TMC1: variants seen among roughly 807,000 people sequenced by gnomAD.
TMC1 encodes the protein transmembrane channel-like protein 1.
TMC1 carries 84 observed loss-of-function variants against 105.8 expected under a neutral mutation model. The observed-to-expected ratio is 0.79, with a 90% confidence interval of 0.67 to 0.95. TMC1 has a LOEUF of 0.95. Among genes scored for constraint, TMC1 ranks in the 40% least tolerant of loss-of-function variants. The probability of loss-of-function intolerance (pLI) is 0.00; values close to 1 mark genes in which losing one functional copy is unlikely to be tolerated. For synonymous variants in TMC1, 315 were observed against 311.5 expected, an observed-to-expected ratio of 1.01 and a Z score of -0.12; for missense variants, 817 against 914.1, an observed-to-expected ratio of 0.89 and a Z score of 1.37.
At chr9:72,658,511 T>A (rs568951898) in intron 5 of TMC1, among the ~76,000 whole-genome samples, 27 of 152,322 alleles carry the variant, frequency 1.8e-4, no homozygotes, top group Middle Eastern at 3.4e-3. Flanking sequence ...TTTTCTTCCT[T>A]CCTTCTTTCT....
chr9:72,741,299 CT>C, intron 9 of TMC1: 1 of 309,926 alleles, frequency 3.2e-6, no homozygotes, highest in East Asian at 8.4e-5. Flanking sequence ...TTTCATCCAC[CT>C]TATAGTATTT....
At chr9:72,755,785 C>A (rs2118071555) in intron 12 of TMC1, among the ~76,000 whole-genome samples, 1 of 152,262 alleles carries the variant, frequency 6.6e-6, no homozygotes, top group Admixed American at 6.5e-5. Flanking sequence ...GAGGGAAAAG[C>A]AGACTGCCTG....
intron 10 of TMC1, among the ~76,000 whole-genome samples, chr9:72,747,773 T>A (rs1827514760): frequency 6.6e-6 from 1 of 152,148 alleles, no homozygotes. Context: ...TTTTTGTATT[T>A]TTAGTAGAGA....
chr9:72,726,180 T>C (rs1827121815), intron 8 of TMC1, among the ~76,000 whole-genome samples: 3 of 152,192 alleles, frequency 2.0e-5, no homozygotes, highest in Non-Finnish European at 2.9e-5. Flanking sequence ...TTTATAGTTA[T>C]AAAAATTAGA....
rs189091969 is a variant in TMC1, at chr9:72,627,408, C to T, written c.-195-513C>T. ...CAGTGAATGGGTTGCTAGGAGGCTG[C>T]GGAAAGAAATTTCTCTAGTTCCATC... On this transcript the variant is annotated intron_variant, in intron 3 of 23. Coordinates refer to ENST00000297784, the MANE Select transcript of TMC1 (RefSeq NM_138691.3). Among the ~76,000 whole-genome samples the T allele has an allele frequency of 1.0e-3, 155 of 152,168 alleles. 1 individual carries two copies. The highest frequency in any genetic ancestry group is 1.7e-3 in the Non-Finnish European group (114 of 68,010).
At chr9:72,671,478 C>T (rs1826126493) in intron 5 of TMC1, among the ~76,000 whole-genome samples, 1 of 152,134 alleles carries the variant, frequency 6.6e-6, no homozygotes, top group Non-Finnish European at 1.5e-5. Context: ...TGAAACCAAC[C>T]ACTTTATAAT....
At chr9:72,755,732 C>G (rs563094754) in intron 12 of TMC1, among the ~76,000 whole-genome samples, 1 of 151,966 alleles carries the variant, frequency 6.6e-6, no homozygotes, top group Non-Finnish European at 1.5e-5. Context: ...TTTTTGGAGG[C>G]TAGACAATGA....
intron 8 of TMC1, among the ~76,000 whole-genome samples, chr9:72,739,505 A>G (rs34255685): frequency 0.063 from 9,651 of 152,340 alleles, 339 homozygotes; most frequent in African/African-American, 0.083. Flanking sequence ...CTGTAAATGT[A>G]TAAATATTTG....
intron 11 of TMC1, among the ~76,000 whole-genome samples, chr9:72,753,393 T>A (rs914514679): frequency 4.9e-5 from 7 of 143,076 alleles, no homozygotes; most frequent in African/African-American, 1.8e-4. Flanking sequence ...CAGGTATAAA[T>A]GGAGTTTTAT....
chr9:72,751,563 G>A (rs1827580280), intron 10 of TMC1, among the ~76,000 whole-genome samples: 1 of 152,246 alleles, frequency 6.6e-6, no homozygotes. Flanking sequence ...TGGCTGCTCA[G>A]CAAAAGGCAG....
chr9:72,641,601 A>G (rs779548121), intron 4 of TMC1, among the ~76,000 whole-genome samples: 4 of 152,186 alleles, frequency 2.6e-5, no homozygotes, highest in Non-Finnish European at 4.4e-5. Context: ...GGAACAGTCA[A>G]TGAAGCACAG....
chr9:72,686,283 T>C (rs537322848), intron 5 of TMC1, among the ~76,000 whole-genome samples: 1 of 152,098 alleles, frequency 6.6e-6, no homozygotes. Flanking sequence ...AGCTGAGGCA[T>C]GAAGAGATCA....
intron 8 of TMC1, among the ~76,000 whole-genome samples, chr9:72,703,822 G>A (rs1052339549): frequency 6.6e-6 from 1 of 152,246 alleles, no homozygotes; most frequent in East Asian, 1.9e-4. Context: ...TCCATGGCCA[G>A]AAGTGGTTTC....
At chr9:72,574,641 A>T (rs1824344488) in intron 1 of TMC1, among the ~76,000 whole-genome samples, 1 of 152,254 alleles carries the variant, frequency 6.6e-6, no homozygotes, top group African/African-American at 2.4e-5. Flanking sequence ...AGCTGGGCTG[A>T]TACAGAATGC....
At chr9:72,561,293 G>C (rs1270183029) in intron 1 of TMC1, among the ~76,000 whole-genome samples, 1 of 146,892 alleles carries the variant, frequency 6.8e-6, no homozygotes, top group African/African-American at 2.5e-5. Flanking sequence ...ACTCCAGCCT[G>C]GGCGGCAGAG....
intron 14 of TMC1, among the ~76,000 whole-genome samples, 168 bp downstream of exon 14, chr9:72,788,651 T>C (rs1316440482): frequency 6.6e-6 from 1 of 152,200 alleles, no homozygotes; most frequent in African/African-American, 2.4e-5. Flanking sequence ...TGGAAAATCT[T>C]CCATGACCCA....
At chr9:72,529,949 C>G (rs11143316) in intron 1 of TMC1, among the ~76,000 whole-genome samples, 12,982 of 152,144 alleles carry the variant, frequency 0.085, 754 homozygotes, top group Non-Finnish European at 0.13. Context: ...ACACCCTCCC[C>G]CTCTCTAATA....
At chr9:72,778,767 G>A (rs1430258011) in intron 13 of TMC1, among the ~76,000 whole-genome samples, 1 of 152,152 alleles carries the variant, frequency 6.6e-6, no homozygotes, top group Non-Finnish European at 1.5e-5. Flanking sequence ...TGAGGTTCAT[G>A]CCAGGCTGTG....
intron 13 of TMC1, among the ~76,000 whole-genome samples, chr9:72,773,589 G>A (rs1288516310): frequency 6.6e-6 from 1 of 152,090 alleles, no homozygotes; most frequent in Admixed American, 6.5e-5. Context: ...TCAAATATAA[G>A]AGACTGTCCA....
Sources: gnomAD v4.1 joint callset for allele counts (sites outside exome capture counted in the v4.1 genomes callset) on GRCh38, gnomAD v4.1.1 for gene constraint, MANE v1.5 for transcripts, NCBI Gene and HGNC (gene_info 2026-07-23, HGNC 2026-07-21) for gene names.